MGAM2: variants seen among roughly 807,000 people sequenced by gnomAD.
MGAM2 encodes maltase-glucoamylase 2 (putative).
In MGAM2, 98 loss-of-function variants were observed where a neutral mutation model predicts 96.1. The observed-to-expected ratio is 1.02, with a 90% confidence interval of 0.87 to 1.21. The LOEUF is 1.21. Among genes scored for constraint, MGAM2 ranks in the 50% most tolerant of loss-of-function variants. The probability of loss-of-function intolerance (pLI) is 0.00; values close to 1 mark genes in which losing one functional copy is unlikely to be tolerated. For missense variants in MGAM2, 2,055 were observed against 1,182.4 expected, an observed-to-expected ratio of 1.74 and a Z score of -10.82; for synonymous variants, 749 against 414.8, an observed-to-expected ratio of 1.81 and a Z score of -9.79.
rs983465417 is a variant in MGAM2, at chr7:142,157,223, A to G, written c.1924-714A>G. On this transcript the variant is annotated intron_variant, in intron 17 of 47. Coordinates refer to ENST00000477922, the MANE Select transcript of MGAM2 (RefSeq NM_001293626.2). The stretch of plus-strand genomic sequence containing the variant: ...ATAAGGCAATGGATTTTTTTTTAGT[A>G]GTAGTACAACTTATATTATTTCCCA... Among the ~76,000 whole-genome samples the G allele has an allele frequency of 4.6e-5, 7 of 152,246 alleles. 1 individual carries two copies. In the Middle Eastern group the frequency reaches 0.017, roughly 370 times the overall value.
chr7:142,183,263 C>T lies in MGAM2; in HGVS notation c.3817-3C>T, dbSNP rs1240071179. The T allele has an allele frequency of 2.4e-5, 17 of 700,550 alleles. No homozygotes were observed. The Admixed American group carries it at 3.4e-4, about 14-fold the overall frequency. The allele number at this position is 700,550 out of a possible 1,614,324, so 43.4% of individuals were successfully genotyped here. ...TTTGCTGTTTGAAATTCTTTTACTG[C>T]AGGACCCAGCCATTTCTGGCAATGA... On this transcript the variant is annotated splice_region_variant and splice_polypyrimidine_tract_variant and intron_variant, in intron 32 of 47. Coordinates refer to ENST00000477922, the MANE Select transcript of MGAM2 (RefSeq NM_001293626.2).
intron 45 of MGAM2, among the ~76,000 whole-genome samples, chr7:142,201,549 A>G (rs1797234313): frequency 6.6e-6 from 1 of 152,232 alleles, no homozygotes; most frequent in African/African-American, 2.4e-5. Flanking sequence ...ACAGTTGTAT[A>G]GCCACTACCA....
intron 40 of MGAM2, 135 bp downstream of exon 40, chr7:142,196,951 A>T: frequency 1.6e-6 from 1 of 611,090 alleles, no homozygotes; most frequent in Non-Finnish European, 2.9e-6. Context: ...TGGAAAATCC[A>T]CAGAGTTCAG....
At chr7:142,157,462 G>A (rs1795767578) in intron 17 of MGAM2, among the ~76,000 whole-genome samples, 1 of 151,242 alleles carries the variant, frequency 6.6e-6, no homozygotes, top group Non-Finnish European at 1.5e-5. Context: ...CACGATCTCA[G>A]CTCACTGCAA....
intron 42 of MGAM2, 73 bp downstream of exon 42, chr7:142,197,801 T>C (rs183005702): frequency 1.9e-5 from 13 of 699,472 alleles, no homozygotes; most frequent in Middle Eastern, 2.3e-4. Flanking sequence ...ATTTTAAAGA[T>C]CATCTTATTT....
chr7:142,154,958 A>T, intron 17 of MGAM2, 113 bp downstream of exon 17: 1 of 641,548 alleles, frequency 1.6e-6, no homozygotes, highest in Non-Finnish European at 2.8e-6. Flanking sequence ...CAGCAGAAGG[A>T]TAAAAAAGTC....
intron 1 of MGAM2, among the ~76,000 whole-genome samples, 162 bp from the exon 2 acceptor site, chr7:142,116,712 A>C (rs1318031317): frequency 6.6e-6 from 1 of 152,234 alleles, no homozygotes; most frequent in Non-Finnish European, 1.5e-5. Context: ...AATTAGGGAC[A>C]CTGATAAGTG....
At chr7:142,179,478 A>T (rs1439384845) in intron 32 of MGAM2, among the ~76,000 whole-genome samples, 1 of 152,164 alleles carries the variant, frequency 6.6e-6, no homozygotes, top group East Asian at 1.9e-4. Flanking sequence ...ATTCAGTATG[A>T]TGTTGGCTGT....
At chr7:142,202,564 C>T (rs1797273454) in intron 45 of MGAM2, among the ~76,000 whole-genome samples, 1 of 152,098 alleles carries the variant, frequency 6.6e-6, no homozygotes, top group South Asian at 2.1e-4. Flanking sequence ...TAAGAAAATG[C>T]ATTATTTGGT....
chr7:142,198,701 C>T lies in MGAM2; in HGVS notation c.5010C>T (p.Ile1670=). 1 of 704,142 alleles carries T rather than the reference C, an allele frequency of 1.4e-6. No individual in the cohort carries two copies. The highest frequency in any genetic ancestry group is 2.6e-6 in the Non-Finnish European group (1 of 384,986). 43.6% of individuals were successfully genotyped at this position (704,142 alleles called of 1,614,324 possible). A position where few individuals can be genotyped will look rare whatever the true frequency, so the allele number is the denominator to read the frequency against. Residue 1670 remains isoleucine (I), a synonymous_variant, in exon 44 of 48, where the codon ATC becomes ATT. Transcript: ENST00000477922. ...ACCTTCATGTCAGAGGAGGCTACAT[C>T]CTGCCCTGGCAAGAGCCTGCTATGA... ...HINLHVRGGY[I]LPWQEPAMNT...
Position 142,140,871 on chromosome 7 carries a change from T to C in MGAM2, c.1156T>C (p.Ser386Pro). 1.4e-6 allele frequency: 1 copy of C among 703,012 alleles called. No homozygotes were observed. The highest frequency in any genetic ancestry group is 2.6e-6 in the Non-Finnish European group (1 of 384,970). The allele number at this position is 703,012 out of a possible 1,614,324, so 43.5% of individuals were successfully genotyped here. ...TTTCACTGTTGATGAAGTCGCTTAC[T>C]CTGGTCTCCCAGATTTTGTCAAGGA... ...KDFTVDEVAY[S>P]GLPDFVKELH... The change falls in exon 11 of 48, where the codon TCT becomes CCT. Residue 386 changes from serine to proline, a missense_variant. By Grantham distance (74) the Ser-to-Pro change is moderately conservative (BLOSUM62 -1). Transcript: ENST00000477922.
chr7:142,137,339 T>C, intron 8 of MGAM2, 94 bp from the exon 9 acceptor site: 1 of 520,220 alleles, frequency 1.9e-6, no homozygotes. Context: ...AAAATGAGAC[T>C]GAGACTCTTT....
Position 142,135,183 on chromosome 7 carries a change from A to T in MGAM2, c.747+1031A>T, listed in dbSNP as rs537184080. On this transcript the variant is annotated intron_variant, in intron 7 of 47. Transcript: ENST00000477922. Reference sequence around the variant, plus strand: ...TTGGCAGGAGATGAACAAAGCAAGTAGCACATTAACCTGTAGCCCAGCTAC... The same window carrying T: ...TTGGCAGGAGATGAACAAAGCAAGTTGCACATTAACCTGTAGCCCAGCTAC... 5.9e-5 allele frequency among the ~76,000 whole-genome samples: 9 copies of T among 152,352 alleles called. No homozygotes were observed. In the South Asian group the frequency reaches 1.9e-3, roughly 32 times the overall value.
intron 25 of MGAM2, among the ~76,000 whole-genome samples, chr7:142,167,016 T>C (rs1419392964): frequency 6.6e-6 from 1 of 152,202 alleles, no homozygotes; most frequent in Non-Finnish European, 1.5e-5. Context: ...TTAATAAGGA[T>C]ACCAGTAATA....
Position 142,196,575 on chromosome 7 carries a change from G to A in MGAM2, c.4491G>A (p.Glu1497=), listed in dbSNP as rs1396431497. 4 of 721,376 alleles carry A rather than the reference G, an allele frequency of 5.5e-6. No homozygotes were observed. The highest frequency in any genetic ancestry group is 5.2e-5 in the African/African-American group (3 of 58,002). The allele number at this position is 721,376 out of a possible 1,614,324, so 44.7% of individuals were successfully genotyped here. ...QLGKSIIGMM[E]FSLFGIPYTG... is the part of the protein sequence containing the mutation. ...GTCTTCTCTTTGCAGGCATGATGGAGTTCAGTCTCTTTGGAATACCTTATG... is the reference window on the plus strand; with the variant it reads ...GTCTTCTCTTTGCAGGCATGATGGAATTCAGTCTCTTTGGAATACCTTATG... Residue 1497 remains glutamate (E), a synonymous_variant, in exon 39 of 48, where the codon GAG becomes GAA. Coordinates refer to ENST00000477922, the MANE Select transcript of MGAM2 (RefSeq NM_001293626.2).
intron 40 of MGAM2, 103 bp from the exon 41 acceptor site, chr7:142,197,297 C>T (rs1271363370): frequency 1.6e-6 from 1 of 639,342 alleles, no homozygotes; most frequent in Non-Finnish European, 2.8e-6. Context: ...GGGTAAGTGG[C>T]TTGTAACCTA....
In MGAM2 at chr7:142,132,000, G is replaced by T; in HGVS notation, c.490G>T (p.Asp164Tyr). 1.4e-6 allele frequency: 1 copy of T among 703,042 alleles called. No homozygotes were observed. Among genetic ancestry groups the T allele is most frequent in the South Asian group, 1.5e-5 (1 of 67,596 alleles). The allele number at this position is 703,042 out of a possible 1,614,324, so 43.6% of individuals were successfully genotyped here. A position where few individuals can be genotyped will look rare whatever the true frequency, so the allele number is the denominator to read the frequency against. ...TATTAACCTGGTTGATGGGATTGCTGATGCCTCCAATTTGAGCTATTACGT... is the reference window on the plus strand; with the variant it reads ...TATTAACCTGGTTGATGGGATTGCTTATGCCTCCAATTTGAGCTATTACGT... ...ENINLVDGIA[D>Y]ASNLSYYVEV... is the part of the protein sequence containing the mutation. Residue 164 changes from aspartate (D) to tyrosine (Y), a missense_variant, in exon 6 of 48, where the codon GAT (aspartate) becomes TAT (tyrosine). Transcript: ENST00000477922.
intron 45 of MGAM2, among the ~76,000 whole-genome samples, chr7:142,205,789 A>C (rs1797384477): frequency 1.3e-5 from 2 of 152,066 alleles, no homozygotes; most frequent in Admixed American, 1.3e-4. Flanking sequence ...TTAAATTTTG[A>C]TGAAGTCTAA....
intron 17 of MGAM2, among the ~76,000 whole-genome samples, chr7:142,155,196 A>G (rs976758821): frequency 2.0e-5 from 3 of 152,196 alleles, no homozygotes; most frequent in Non-Finnish European, 4.4e-5. Context: ...CCTCATAGGT[A>G]TGGAGGAACA....
Sources: allele counts gnomAD v4.1 joint callset (sites outside exome capture counted in the v4.1 genomes callset), GRCh38; gene constraint gnomAD v4.1.1; transcripts MANE v1.5; gene names NCBI Gene and HGNC (gene_info 2026-07-23, HGNC 2026-07-21).